Variants in JAKMIP2 observed in about 807,000 individuals in gnomAD.
The protein encoded by JAKMIP2 is janus kinase and microtubule interacting protein 2.
In JAKMIP2, 25 loss-of-function variants were observed where a neutral mutation model predicts 115.0. That is an observed-to-expected ratio of 0.22 (90% confidence interval 0.16 to 0.30). The LOEUF is 0.30. Among genes scored for constraint, JAKMIP2 ranks in the 10% least tolerant of loss-of-function variants. The pLI, the probability that JAKMIP2 is intolerant of heterozygous loss-of-function variation, is 1.00. For synonymous variants in JAKMIP2, 334 were observed against 343.6 expected, an observed-to-expected ratio of 0.97 and a Z score of 0.31; for missense variants, 642 against 957.6, an observed-to-expected ratio of 0.67 and a Z score of 4.35.
At chr5:147,669,358 C>G (rs548795399) in intron 2 of JAKMIP2, among the ~76,000 whole-genome samples, 1 of 152,278 alleles carries the variant, frequency 6.6e-6, no homozygotes, top group African/African-American at 2.4e-5. Context: ...GCTGTGTGCT[C>G]TCATTTAAGA....
chr5:147,633,304 C>T (rs1757456381), intron 12 of JAKMIP2, among the ~76,000 whole-genome samples: 1 of 152,136 alleles, frequency 6.6e-6, no homozygotes, highest in African/African-American at 2.4e-5. Context: ...TTATCACTGT[C>T]ATCTCTGCAC....
At position 147,607,252 on chromosome 5, in the gene JAKMIP2, G is replaced by A. The variant is rs557405621; in HGVS notation, c.2412+5054C>T. 4.6e-5 allele frequency among the ~76,000 whole-genome samples: 7 copies of A among 152,194 alleles called. No homozygotes were observed. In the East Asian group the frequency reaches 5.8e-4, roughly 13 times the overall value. ...AGAGACAGCATCCTTGTTTTGTGCCGGTTTTCAAAGGGAATGCTTCCAGCT... is the reference window on the plus strand; with the variant it reads ...AGAGACAGCATCCTTGTTTTGTGCCAGTTTTCAAAGGGAATGCTTCCAGCT... On this transcript the variant is annotated intron_variant, in intron 20 of 21. Coordinates refer to ENST00000616793, the MANE Select transcript of JAKMIP2 (RefSeq NM_001270941.2).
At chr5:147,670,826 G>A (rs1335225812) in intron 2 of JAKMIP2, among the ~76,000 whole-genome samples, 1 of 152,160 alleles carries the variant, frequency 6.6e-6, no homozygotes, top group Non-Finnish European at 1.5e-5. Context: ...AATACATATT[G>A]AGATTTTAAG....
At chr5:147,775,979 G>C (rs1755538779) in intron 1 of JAKMIP2, among the ~76,000 whole-genome samples, 1 of 152,094 alleles carries the variant, frequency 6.6e-6, no homozygotes, top group Non-Finnish European at 1.5e-5. Context: ...GAAACACACA[G>C]GTTGCAGAGA....
At chr5:147,767,495 G>T (rs1755197212) in intron 1 of JAKMIP2, among the ~76,000 whole-genome samples, 1 of 152,042 alleles carries the variant, frequency 6.6e-6, no homozygotes, top group Admixed American at 6.6e-5. Context: ...TAATACCAAG[G>T]TTGGAGTACT....
chr5:147,614,826 C>G (rs1276283046), intron 19 of JAKMIP2, among the ~76,000 whole-genome samples: 2 of 152,212 alleles, frequency 1.3e-5, no homozygotes, highest in African/African-American at 4.8e-5. Context: ...CTAGCCTTTG[C>G]TCTGTTCCTT....
intron 1 of JAKMIP2, among the ~76,000 whole-genome samples, chr5:147,763,165 T>C (rs1754991948): frequency 6.6e-6 from 1 of 152,034 alleles, no homozygotes; most frequent in African/African-American, 2.4e-5. Context: ...CATATGAATT[T>C]TGGGGGAGTA....
At chr5:147,660,701 C>A in intron 3 of JAKMIP2, 1 of 493,482 alleles carries the variant, frequency 2.0e-6, no homozygotes, top group South Asian at 2.3e-5. Context: ...CTTGGAGAAT[C>A]CAGTTTTTAT....
chr5:147,590,499 G>A lies in JAKMIP2; in HGVS notation c.*1208C>T, dbSNP rs1451384346. 6.6e-6 allele frequency: 1 copy of A among 152,064 alleles called. No homozygotes were observed. The highest frequency in any genetic ancestry group is 6.6e-5 in the Admixed American group (1 of 15,260). 9.4% of individuals were successfully genotyped at this position (152,064 alleles called of 1,614,324 possible). A position where few individuals can be genotyped will look rare whatever the true frequency, so the allele number is the denominator to read the frequency against. On this transcript the variant is annotated 3_prime_UTR_variant, in exon 22 of 22. Coordinates refer to ENST00000616793, the MANE Select transcript of JAKMIP2 (RefSeq NM_001270941.2). ...TAGAGCTATCTTGTTGCTGTCATCT[G>A]TCTGGGAAAAAATGTTATCACTCTA...
intron 1 of JAKMIP2, among the ~76,000 whole-genome samples, chr5:147,749,783 G>C (rs1055877358): frequency 2.6e-5 from 4 of 152,174 alleles, no homozygotes; most frequent in Non-Finnish European, 4.4e-5. Flanking sequence ...CAGGAGGCTT[G>C]AGTCCAGTTC....
At chr5:147,685,172 T>G (rs940907188) in intron 1 of JAKMIP2, among the ~76,000 whole-genome samples, 13 of 152,214 alleles carry the variant, frequency 8.5e-5, no homozygotes, top group African/African-American at 3.1e-4. Context: ...CTGAAGCTTC[T>G]TAGTGCTTCT....
intron 2 of JAKMIP2, 137 bp from the exon 3 acceptor site, chr5:147,661,582 A>G: frequency 1.2e-6 from 1 of 825,628 alleles, no homozygotes; most frequent in Non-Finnish European, 1.9e-6. Flanking sequence ...CTCTGAGAAA[A>G]AAGAACTACA....
chr5:147,676,643 T>A (rs1379984872), intron 1 of JAKMIP2, among the ~76,000 whole-genome samples: 1 of 152,236 alleles, frequency 6.6e-6, no homozygotes, highest in African/African-American at 2.4e-5. Flanking sequence ...CTTCAGGCCT[T>A]CCACTATCCC....
chr5:147,754,287 A>G (rs541286924), intron 1 of JAKMIP2, among the ~76,000 whole-genome samples: 2 of 152,308 alleles, frequency 1.3e-5, no homozygotes, highest in East Asian at 3.9e-4. Flanking sequence ...CTGGTGAACA[A>G]TTAATGAATG....
rs139439172 is a variant in JAKMIP2 at position 147,781,492 on chromosome 5, A to C, written c.-149+964T>G. Among the ~76,000 whole-genome samples, 348 of 151,308 alleles carry C rather than the reference A, an allele frequency of 2.3e-3. 4 individuals are homozygous for C. The highest frequency in any genetic ancestry group is 7.9e-3 in the African/African-American group (327 of 41,302). On this transcript the variant is annotated intron_variant, in intron 1 of 21. Coordinates refer to ENST00000616793, the MANE Select transcript of JAKMIP2 (RefSeq NM_001270941.2). ...AAGATGCTAGACACAAAATAATACC[A>C]CAAACCGCCTCCCATTCCCATCATT...
At chr5:147,611,172 C>T (rs978431187) in intron 20 of JAKMIP2, among the ~76,000 whole-genome samples, 1 of 152,190 alleles carries the variant, frequency 6.6e-6, no homozygotes, top group Non-Finnish European at 1.5e-5. Flanking sequence ...TGGCTTCAGG[C>T]CCCTTTCCAG....
In JAKMIP2 at chr5:147,650,517, T is replaced by C. The variant is rs918706449; in HGVS notation, c.658A>G (p.Ile220Val). The change falls in exon 4 of 22, where the codon ATC becomes GTC. Residue 220 changes from isoleucine (I) to valine (V), a missense_variant. Coordinates refer to ENST00000616793, the MANE Select transcript of JAKMIP2 (RefSeq NM_001270941.2). ...MDEIKAKDRI[I>V]FSLEKELETQ... Reference sequence around the variant, plus strand: ...TCCAGTTCCTTTTCCAGGGAAAAGATGATCCTGTCCTTGGCTTTGATTTCA... The same window carrying C: ...TCCAGTTCCTTTTCCAGGGAAAAGACGATCCTGTCCTTGGCTTTGATTTCA... The C allele has an allele frequency of 6.2e-7, 1 of 1,613,530 alleles. No homozygotes were observed. The highest frequency in any genetic ancestry group is 1.1e-5 in the South Asian group (1 of 91,050).
At chr5:147,605,830 T>C (rs545245799) in intron 20 of JAKMIP2, among the ~76,000 whole-genome samples, 2 of 152,334 alleles carry the variant, frequency 1.3e-5, no homozygotes, top group South Asian at 4.1e-4. Flanking sequence ...TTTCTCCACA[T>C]CCTCTCCAGC....
chr5:147,586,518 T>C lies in JAKMIP2; in HGVS notation c.*5189A>G, dbSNP rs1259398011. The C allele has an allele frequency of 1.3e-5, 2 of 152,036 alleles. No homozygotes were observed. Among genetic ancestry groups the C allele is most frequent in the African/African-American group, 4.8e-5 (2 of 41,376 alleles). 9.4% of individuals were successfully genotyped at this position (152,036 alleles called of 1,614,324 possible). On this transcript the variant is annotated 3_prime_UTR_variant, in exon 22 of 22. Transcript: ENST00000616793. The stretch of plus-strand genomic sequence containing the variant: ...ATTGTGGGCAAAATTGGGCTCAAAG[T>C]TGTTTAACTTTACCATTCTCACCCT...
Sources: gnomAD v4.1 joint callset for allele counts (sites outside exome capture counted in the v4.1 genomes callset) on GRCh38, gnomAD v4.1.1 for gene constraint, MANE v1.5 for transcripts, NCBI Gene and HGNC (gene_info 2026-07-23, HGNC 2026-07-21) for gene names.